The following SAC3D1 variants were observed in gnomAD, a reference collection of about 807,000 sequenced individuals.
SAC3D1 encodes the protein SAC3 domain-containing protein 1.
A neutral mutation model predicts 12.7 loss-of-function variants in SAC3D1; 10 were observed. That is an observed-to-expected ratio of 0.79 (90% CI 0.49 to 1.34). The LOEUF (loss-of-function observed/expected upper bound fraction) is 1.34. Among genes scored for constraint, SAC3D1 ranks in the 40% most tolerant of loss-of-function variants. The probability of loss-of-function intolerance (pLI) is 0.00; values close to 1 mark genes in which losing one functional copy is unlikely to be tolerated. For missense variants in SAC3D1, 482 were observed against 531.1 expected, an observed-to-expected ratio of 0.91 and a Z score of 0.91; for synonymous variants, 241 against 250.8, an observed-to-expected ratio of 0.96 and a Z score of 0.37.
Position 65,041,347 on chromosome 11 carries a change from G to C in SAC3D1, c.55G>C (p.Glu19Gln). ...GTCPDMCPAA[E>Q]RAQREREHRL... is the part of the protein sequence containing the mutation. The stretch of plus-strand genomic sequence containing the variant: ...CTGCCCGGACATGTGCCCGGCCGCC[G>C]AGCGCGCCCAGCGCGAAAGGGAGCA... The change falls in exon 1 of 2, where the codon GAG becomes CAG. Residue 19 changes from glutamate to glutamine, a missense_variant. Glu to Gln is a conservative substitution (Grantham distance 29). Transcript: ENST00000652489. The C allele has an allele frequency of 6.6e-7, 1 of 1,509,894 alleles. No individual in the cohort carries two copies. Among genetic ancestry groups the C allele is most frequent in the Non-Finnish European group, 8.8e-7 (1 of 1,136,430 alleles). 93.5% of individuals were successfully genotyped at this position (1,509,894 alleles called of 1,614,324 possible). A position where few individuals can be genotyped will look rare whatever the true frequency, so the allele number is the denominator to read the frequency against.
chr11:65,044,692 G>A lies in SAC3D1; in HGVS notation c.1042G>A (p.Asp348Asn). 1 of 1,613,560 alleles carries A rather than the reference G, an allele frequency of 6.2e-7. No individual in the cohort carries two copies. The highest frequency in any genetic ancestry group is 8.5e-7 in the Non-Finnish European group (1 of 1,179,972). The change falls in exon 2 of 2, where the codon GAT becomes AAT. Residue 348 changes from aspartate to asparagine, a missense_variant. Transcript: ENST00000652489. The surrounding 1 kb of genome is among the most constrained non-coding windows in gnomAD (Gnocchi z 4.0). ...LEEVVMAEEEDEGTDRPGSPA is the reference protein window; with the variant it reads ...LEEVVMAEEENEGTDRPGSPA ...GGAGGTGGTCATGGCAGAGGAGGAAGATGAGGGCACGGACAGACCTGGGTC... is the reference window on the plus strand; with the variant it reads ...GGAGGTGGTCATGGCAGAGGAGGAAAATGAGGGCACGGACAGACCTGGGTC...
At chr11:65,043,386 C>T (rs981926827) in intron 1 of SAC3D1, among the ~76,000 whole-genome samples, 4 of 152,088 alleles carry the variant, frequency 2.6e-5, no homozygotes, top group Admixed American at 6.5e-5. Context: ...GTTGGCCTCC[C>T]AAAGTGCTGG....
chr11:65,042,828 C>T (rs1055091097), intron 1 of SAC3D1, among the ~76,000 whole-genome samples: 10 of 151,802 alleles, frequency 6.6e-5, no homozygotes, highest in Non-Finnish European at 1.0e-4. Context: ...AGGCGTGAGT[C>T]ACTGCACCCG....
Position 65,041,278 on chromosome 11 carries a change from C to A in SAC3D1, c.-15C>A. 6.7e-7 allele frequency: 1 copy of A among 1,493,818 alleles called. No individual in the cohort carries two copies. The highest frequency in any genetic ancestry group is 2.8e-5 in the East Asian group (1 of 35,872). The allele number at this position is 1,493,818 out of a possible 1,614,324, so 92.5% of individuals were successfully genotyped here. ...CCGGGATGCTGAGCGCCCACCGTCT[C>A]CCCGCAGCCCCCTCATGCCCGGCTG... is the stretch of plus-strand genomic sequence containing the variant. On this transcript the variant is annotated 5_prime_UTR_variant, in exon 1 of 2. Coordinates refer to ENST00000652489, the MANE Select transcript of SAC3D1 (RefSeq NM_013299.4).
Position 65,044,327 on chromosome 11 carries a change from G to T in SAC3D1, c.677G>T (p.Gly226Val), listed in dbSNP as rs917228517. The change falls in exon 2 of 2, where the codon GGC (glycine) becomes GTC (valine). Residue 226 changes from glycine to valine, a missense_variant. Physicochemically the swap from Gly to Val is moderately radical, Grantham distance 109. Around this residue, in one of 3 missense-constraint regions of SAC3D1, gnomAD observed 225 missense variants for 241.1 expected, o/e 0.93. Transcript: ENST00000652489. The surrounding 1 kb of genome is among the most constrained non-coding windows in gnomAD (Gnocchi z 4.0). ...GCGGTAGATGCTGCCTTCCGAGAGG[G>T]CAATGCTGCCCGCCTGTTCCGTCTG... ...ALAVDAAFREGNAARLFRLLQ... is the reference protein window; with the variant it reads ...ALAVDAAFREVNAARLFRLLQ... 1 of 1,613,390 alleles carries T rather than the reference G, an allele frequency of 6.2e-7. No individual in the cohort carries two copies. The highest frequency in any genetic ancestry group is 8.5e-7 in the Non-Finnish European group (1 of 1,180,020).
rs11231928 is a variant in SAC3D1, at chr11:65,042,414, C to T, written c.574+548C>T. Among the ~76,000 whole-genome samples, 21 of 150,610 alleles carry T rather than the reference C, an allele frequency of 1.4e-4. No individual in the cohort carries two copies. The East Asian group carries it at 4.2e-3, about 30-fold the overall frequency. Reference sequence around the variant, plus strand: ...CCGGCTGATTTTCAAACTCTTTTAACCTCCCCGCCCAGTCAGGGTTACCAA... The same window carrying T: ...CCGGCTGATTTTCAAACTCTTTTAATCTCCCCGCCCAGTCAGGGTTACCAA... On this transcript the variant is annotated intron_variant, in intron 1 of 1. Transcript: ENST00000652489.
At position 65,041,292 on chromosome 11, in the gene SAC3D1, C is replaced by G; in HGVS notation, c.-1C>G. 1 of 1,502,182 alleles carries G rather than the reference C, an allele frequency of 6.7e-7. No homozygotes were observed. The allele number at this position is 1,502,182 out of a possible 1,614,324, so 93.1% of individuals were successfully genotyped here. A position where few individuals can be genotyped will look rare whatever the true frequency, so the allele number is the denominator to read the frequency against. Reference sequence around the variant, plus strand: ...GCCCACCGTCTCCCCGCAGCCCCCTCATGCCCGGCTGCGAGCTGCCCGTGG... The same window carrying G: ...GCCCACCGTCTCCCCGCAGCCCCCTGATGCCCGGCTGCGAGCTGCCCGTGG... On this transcript the variant is annotated 5_prime_UTR_variant, in exon 1 of 2. Transcript: ENST00000652489.
At position 65,042,192 on chromosome 11, in the gene SAC3D1, G is replaced by A. The variant is rs368589541; in HGVS notation, c.574+326G>A. Among the ~76,000 whole-genome samples, 392 of 151,944 alleles carry A rather than the reference G, an allele frequency of 2.6e-3. 3 individuals are homozygous for A. The highest frequency in any genetic ancestry group is 9.1e-3 in the African/African-American group (378 of 41,426). ...GGCTCACTGCAACCTCCGCCTCCCTGGGTCAAGCGATTCTTCTGCCTCAGC... is the reference window on the plus strand; with the variant it reads ...GGCTCACTGCAACCTCCGCCTCCCTAGGTCAAGCGATTCTTCTGCCTCAGC... On this transcript the variant is annotated intron_variant, in intron 1 of 1. Transcript: ENST00000652489.
rs1212509931 is a variant in SAC3D1 at position 65,044,528 on chromosome 11, T to C, written c.878T>C (p.Leu293Pro). Residue 293 changes from leucine (L) to proline (P), a missense_variant, in exon 2 of 2, where the codon CTG becomes CCG. Leu to Pro is a moderately conservative substitution (Grantham distance 98). Transcript: ENST00000652489. The surrounding 1 kb of genome is among the most constrained non-coding windows in gnomAD (Gnocchi z 4.0). The stretch of plus-strand genomic sequence containing the variant: ...GATGGACTCAGGGAAGCACGGGACC[T>C]GTGCCAGGCCCACGGGCTGCCCTTG... ...ALDGLREARD[L>P]CQAHGLPLDG... The C allele has an allele frequency of 9.3e-6, 15 of 1,614,066 alleles. No individual in the cohort carries two copies. Among genetic ancestry groups the C allele is most frequent in the Non-Finnish European group, 1.3e-5 (15 of 1,180,030 alleles).
Position 65,041,729 on chromosome 11 carries a change from G to C in SAC3D1, c.437G>C (p.Arg146Pro). The C allele has an allele frequency of 7.7e-7, 1 of 1,306,632 alleles. No homozygotes were observed. The highest frequency in any genetic ancestry group is 9.7e-7 in the Non-Finnish European group (1 of 1,034,974). 80.9% of individuals were successfully genotyped at this position (1,306,632 alleles called of 1,614,324 possible). The change falls in exon 1 of 2, where the codon CGG becomes CCG. Residue 146 changes from arginine (R) to proline (P), a missense_variant. By Grantham distance (103) the Arg-to-Pro change is moderately radical. This residue lies in a region of SAC3D1 where 60 missense variants were observed against 106.9 expected (regional missense o/e 0.56). Transcript: ENST00000652489. Reference protein sequence around the residue: ...VVARLGPDAARGPADPVLLQA... With the variant: ...VVARLGPDAAPGPADPVLLQA... ...GCGCGGCTCGGGCCCGACGCGGCGC[G>C]GGGACCCGCGGACCCGGTGCTGCTG...
rs1176504960 is a variant in SAC3D1 at position 65,044,705 on chromosome 11, A to T, written c.1055A>T (p.Asp352Val). The T allele has an allele frequency of 6.2e-7, 1 of 1,612,792 alleles. No individual in the cohort carries two copies. ...VMAEEEDEGT[D>V]RPGSPA is the part of the protein sequence containing the mutation. ...GCAGAGGAGGAAGATGAGGGCACGGACAGACCTGGGTCCCCAGCCTGAGGA... is the reference window on the plus strand; with the variant it reads ...GCAGAGGAGGAAGATGAGGGCACGGTCAGACCTGGGTCCCCAGCCTGAGGA... Residue 352 changes from aspartate (D) to valine (V), a missense_variant, in exon 2 of 2, where the codon GAC (aspartate) becomes GTC (valine). This residue lies in a region of SAC3D1 where 225 missense variants were observed against 241.1 expected (regional missense o/e 0.93). Transcript: ENST00000652489. This position sits in a 1 kb window ranked among gnomAD's most constrained non-coding sequence, Gnocchi z 4.0.
At chr11:65,042,087 G>A (rs1304152642) in intron 1 of SAC3D1, among the ~76,000 whole-genome samples, 1 of 150,516 alleles carries the variant, frequency 6.6e-6, no homozygotes, top group African/African-American at 2.5e-5. Flanking sequence ...AGGGAGAATT[G>A]GTCTAAATAG....
At position 65,044,134 on chromosome 11, in the gene SAC3D1, G is replaced by A. The variant is rs551876669; in HGVS notation, c.575-91G>A. On this transcript the variant is annotated intron_variant, in intron 1 of 1. Transcript: ENST00000652489. The surrounding 1 kb of genome is among the most constrained non-coding windows in gnomAD (Gnocchi z 4.0). ...CTAGGCCTAGAGAAGGGGCGTGGTC[G>A]AGGAGAGAGGAAGGACAGGGTGTTG... 4.6e-5 allele frequency: 67 copies of A among 1,468,956 alleles called. No individual in the cohort carries two copies. In the East Asian group the frequency reaches 1.2e-3, roughly 26 times the overall value. 91.0% of individuals were successfully genotyped at this position (1,468,956 alleles called of 1,614,324 possible).
chr11:65,041,104 T>C (rs1292572533), upstream of SAC3D1: 1 of 627,252 alleles, frequency 1.6e-6, no homozygotes, highest in South Asian at 1.8e-5. Context: ...TCGACTGGAC[T>C]GGGTGAGAGG....
chr11:65,042,303 G>C (rs1252521412), intron 1 of SAC3D1, among the ~76,000 whole-genome samples: 3 of 152,020 alleles, frequency 2.0e-5, no homozygotes, highest in African/African-American at 7.2e-5. Flanking sequence ...CACCATGTTG[G>C]TCAGGCTGGT....
chr11:65,042,000 G>A, intron 1 of SAC3D1, 134 bp downstream of exon 1: 1 of 1,189,162 alleles, frequency 8.4e-7, no homozygotes, highest in South Asian at 3.6e-5. Context: ...GATCCACCGA[G>A]CCCCGACGTG....
chr11:65,043,148 C>G (rs569649702), intron 1 of SAC3D1: 1 of 393,574 alleles, frequency 2.5e-6, no homozygotes, highest in African/African-American at 2.1e-5. Flanking sequence ...CCACACTGTT[C>G]CTCTGAAGAA....
rs17855388 is a variant in SAC3D1 at position 65,041,617 on chromosome 11, C to T, written c.325C>T (p.Leu109Phe). The T allele has an allele frequency of 2.0e-6, 3 of 1,468,152 alleles. No individual in the cohort carries two copies. The highest frequency in any genetic ancestry group is 2.6e-5 in the South Asian group (2 of 77,352). 90.9% of individuals were successfully genotyped at this position (1,468,152 alleles called of 1,614,324 possible). Reference protein sequence around the residue: ...SFVADRLRAVLLDLALQGAGD... With the variant: ...SFVADRLRAVFLDLALQGAGD... ...CGTGGCAGACCGCTTGCGAGCTGTGCTCCTGGACCTGGCGCTGCAGGGAGC... is the reference window on the plus strand; with the variant it reads ...CGTGGCAGACCGCTTGCGAGCTGTGTTCCTGGACCTGGCGCTGCAGGGAGC... Residue 109 changes from leucine (L) to phenylalanine (F), a missense_variant, in exon 1 of 2, where the codon CTC becomes TTC. Leu to Phe is a conservative substitution (Grantham distance 22). Coordinates refer to ENST00000652489, the MANE Select transcript of SAC3D1 (RefSeq NM_013299.4).
At position 65,043,686 on chromosome 11, in the gene SAC3D1, C is replaced by T. The variant is rs576392097; in HGVS notation, c.575-539C>T. On this transcript the variant is annotated intron_variant, in intron 1 of 1. Transcript: ENST00000652489. ...TTTTAACAAAATGCTGTTGACTTCA[C>T]AACCTACTTATTGGTCAGAAGCCCC... 8.6e-5 allele frequency among the ~76,000 whole-genome samples: 12 copies of T among 140,062 alleles called. No individual in the cohort carries two copies. The East Asian group carries it at 1.6e-3, about 18-fold the overall frequency. 91.9% of individuals were successfully genotyped at this position (140,062 alleles called of 152,430 possible).
Sources: gnomAD v4.1 joint callset for allele counts (sites outside exome capture counted in the v4.1 genomes callset) on GRCh38, gnomAD v4.1.1 for gene constraint, gnomAD v4.1.1 regional missense constraint, Gnocchi (gnomAD v3.1) non-coding constraint, MANE v1.5 for transcripts, NCBI Gene and HGNC (gene_info 2026-07-23, HGNC 2026-07-21) for gene names.